Variants in CNTN4 observed in about 807,000 individuals in gnomAD.
CNTN4 encodes contactin-4.
Under a neutral mutation model 122.5 loss-of-function variants are expected in CNTN4, and 77 were observed. That is an observed-to-expected ratio of 0.63 (90% confidence interval 0.52 to 0.76). The LOEUF (loss-of-function observed/expected upper bound fraction) is 0.76. Ranked by LOEUF, CNTN4 falls within the 30% of genes least tolerant of loss-of-function variation. CNTN4 has a pLI of 0.00. For missense variants in CNTN4, 1,256 were observed against 1,259.1 expected, an observed-to-expected ratio of 1.00 and a Z score of 0.04; for synonymous variants, 512 against 447.0, an observed-to-expected ratio of 1.15 and a Z score of -1.83.
At chr3:2,743,688 G>A (rs1252880579) in intron 5 of CNTN4, among the ~76,000 whole-genome samples, 3 of 152,198 alleles carry the variant, frequency 2.0e-5, no homozygotes, top group Non-Finnish European at 4.4e-5. Flanking sequence ...TTAGATTTTA[G>A]ATGGCTAAAG....
chr3:2,673,635 G>A (rs2084666928), intron 4 of CNTN4, among the ~76,000 whole-genome samples: 1 of 152,066 alleles, frequency 6.6e-6, no homozygotes, highest in African/African-American at 2.4e-5. Context: ...GCACCTCACG[G>A]GTTCACGCCA....
chr3:2,180,126 GCT>G (rs1475049589), intron 2 of CNTN4, among the ~76,000 whole-genome samples: 2 of 151,756 alleles, frequency 1.3e-5, no homozygotes, highest in Non-Finnish European at 2.9e-5. Flanking sequence ...TTAATAGTTA[GCT>G]CTCTGATTTT....
At chr3:2,194,070 G>A (rs2037719204) in intron 2 of CNTN4, among the ~76,000 whole-genome samples, 1 of 152,106 alleles carries the variant, frequency 6.6e-6, no homozygotes, top group Non-Finnish European at 1.5e-5. Flanking sequence ...ATAAAAAAAT[G>A]TCCCTGTTTA....
intron 14 of CNTN4, among the ~76,000 whole-genome samples, chr3:3,015,516 A>G (rs1200683572): frequency 5.9e-5 from 9 of 152,194 alleles, no homozygotes; most frequent in Non-Finnish European, 5.9e-5. Context: ...TCAAATCTAT[A>G]AGCAAACAAA....
chr3:2,471,664 G>C (rs2075688490), intron 3 of CNTN4, among the ~76,000 whole-genome samples: 2 of 152,156 alleles, frequency 1.3e-5, no homozygotes, highest in Non-Finnish European at 2.9e-5. Context: ...CTCCAGAGGT[G>C]CATTGGTTCA....
intron 2 of CNTN4, among the ~76,000 whole-genome samples, chr3:2,157,328 A>G (rs1369818652): frequency 6.6e-6 from 1 of 152,100 alleles, no homozygotes; most frequent in Non-Finnish European, 1.5e-5. Context: ...GGAGGTGTGC[A>G]CTCCGACGAG....
chr3:2,436,605 C>G (rs1327577007), intron 3 of CNTN4, among the ~76,000 whole-genome samples: 3 of 151,838 alleles, frequency 2.0e-5, no homozygotes, highest in African/African-American at 7.3e-5. Flanking sequence ...GAAAGGAATC[C>G]TTTGTGATTT....
intron 3 of CNTN4, among the ~76,000 whole-genome samples, chr3:2,435,300 G>A (rs998887962): frequency 6.6e-6 from 1 of 152,010 alleles, no homozygotes; most frequent in African/African-American, 2.4e-5. Flanking sequence ...ATATAAAATG[G>A]CATAGTATTT....
chr3:3,037,108 T>G (rs1699679238), intron 17 of CNTN4, 71 bp from the exon 18 acceptor site: 9 of 1,536,346 alleles, frequency 5.9e-6, no homozygotes, highest in Non-Finnish European at 7.2e-6. Context: ...TGTTCCTATC[T>G]TCCTAACGTA....
chr3:2,352,155 C>T (rs1439623724), intron 3 of CNTN4, among the ~76,000 whole-genome samples: 1 of 152,088 alleles, frequency 6.6e-6, no homozygotes, highest in African/African-American at 2.4e-5. Context: ...CTTTGGGAGG[C>T]CCAGGTGGGT....
intron 2 of CNTN4, among the ~76,000 whole-genome samples, chr3:2,271,897 G>A (rs2041313864): frequency 2.0e-5 from 3 of 151,908 alleles, no homozygotes; most frequent in South Asian, 2.1e-4. Context: ...AAATGTTAAG[G>A]GACCAAGACA....
At chr3:2,567,538 T>G (rs1357633596) in intron 3 of CNTN4, among the ~76,000 whole-genome samples, 2 of 152,222 alleles carry the variant, frequency 1.3e-5, no homozygotes, top group Non-Finnish European at 2.9e-5. Context: ...TTCAACTTTG[T>G]GCCAGTACCT....
rs1368573496 is a variant in CNTN4, at chr3:2,675,590, A to T, written c.56-60625A>T. Among the ~76,000 whole-genome samples, 3 of 152,202 alleles carry T rather than the reference A, an allele frequency of 2.0e-5. No homozygotes were observed. In the East Asian group the frequency reaches 5.8e-4, roughly 29 times the overall value. On this transcript the variant is annotated intron_variant, in intron 4 of 24. Transcript: ENST00000418658. ...AAAGCTCCACGAAGACCAGGAAAAG[A>T]CTGATGGGCCACTGTGTGTCCAGCT...
Position 3,056,442 on chromosome 3 carries a change from C to G in CNTN4, c.*222C>G. ...AAACTCTGCAATGCACTGAAGACAT[C>G]TGTAATATGATGTTACCAAAGCAGT... is the stretch of plus-strand genomic sequence containing the variant. On this transcript the variant is annotated 3_prime_UTR_variant, in exon 25 of 25. Coordinates refer to ENST00000418658, the MANE Select transcript of CNTN4 (RefSeq NM_175607.3). 2.0e-6 allele frequency: 1 copy of G among 500,156 alleles called. No homozygotes were observed. The allele number at this position is 500,156 out of a possible 1,614,324, so 31.0% of individuals were successfully genotyped here.
At chr3:2,349,597 T>C (rs1297342321) in intron 3 of CNTN4, among the ~76,000 whole-genome samples, 1 of 152,178 alleles carries the variant, frequency 6.6e-6, no homozygotes, top group Non-Finnish European at 1.5e-5. Context: ...GTTTTATCCA[T>C]GAAAATTTTA....
chr3:2,353,209 C>G lies in CNTN4; in HGVS notation c.-89+13976C>G, dbSNP rs116815861. Reference sequence around the variant, plus strand: ...GGATATCTGGTGGGGACTGGGAGAACTTTTATGTCTAGCTAGAGGACTGTA... The same window carrying G: ...GGATATCTGGTGGGGACTGGGAGAAGTTTTATGTCTAGCTAGAGGACTGTA... On this transcript the variant is annotated intron_variant, in intron 3 of 24. Coordinates refer to ENST00000418658, the MANE Select transcript of CNTN4 (RefSeq NM_175607.3). Among the ~76,000 whole-genome samples the G allele has an allele frequency of 1.9e-3, 289 of 152,108 alleles. 2 individuals carry two copies. Among genetic ancestry groups the G allele is most frequent in the African/African-American group, 6.2e-3 (257 of 41,496 alleles).
intron 2 of CNTN4, among the ~76,000 whole-genome samples, chr3:2,303,644 T>G (rs1447496886): frequency 2.0e-5 from 3 of 152,200 alleles, no homozygotes; most frequent in Non-Finnish European, 4.4e-5. Flanking sequence ...TTATCTGTCT[T>G]TCTCATGACT....
At chr3:2,274,587 A>C (rs1019469320) in intron 2 of CNTN4, among the ~76,000 whole-genome samples, 2 of 151,866 alleles carry the variant, frequency 1.3e-5, no homozygotes, top group African/African-American at 2.4e-5. Flanking sequence ...CCAATGAATC[A>C]CCATATTTCT....
chr3:2,887,295 A>G, intron 10 of CNTN4, 71 bp downstream of exon 10: 2 of 1,380,216 alleles, frequency 1.4e-6, no homozygotes, highest in Non-Finnish European at 2.0e-6. Flanking sequence ...ATAAGCTGAG[A>G]GGCATTCAGG....
Sources: gnomAD v4.1 joint callset for allele counts (sites outside exome capture counted in the v4.1 genomes callset) on GRCh38, gnomAD v4.1.1 for gene constraint, MANE v1.5 for transcripts, NCBI Gene and HGNC (gene_info 2026-07-23, HGNC 2026-07-21) for gene names.